The following SGCZ variants were observed in gnomAD, a reference collection of about 807,000 sequenced individuals.
The protein encoded by SGCZ is sarcoglycan zeta.
SGCZ carries 40 observed loss-of-function variants against 41.3 expected under a neutral mutation model. The observed-to-expected ratio is 0.97, with a 90% confidence interval of 0.75 to 1.26. SGCZ has a LOEUF of 1.26. SGCZ is among the 50% of genes most tolerant of loss of function. SGCZ has a pLI of 0.00. For synonymous variants in SGCZ, 206 were observed against 137.5 expected, an observed-to-expected ratio of 1.50 and a Z score of -3.49; for missense variants, 552 against 369.8, an observed-to-expected ratio of 1.49 and a Z score of -4.04.
chr8:14,206,462 G>C (rs541256009), intron 4 of SGCZ, among the ~76,000 whole-genome samples: 4 of 152,156 alleles, frequency 2.6e-5, no homozygotes, highest in African/African-American at 9.6e-5. Flanking sequence ...ATAAATCACA[G>C]AATCTCCACA....
intron 5 of SGCZ, among the ~76,000 whole-genome samples, chr8:14,111,908 C>T (rs1281730462): frequency 6.6e-6 from 1 of 152,182 alleles, no homozygotes; most frequent in East Asian, 1.9e-4. Context: ...ATGCCACACG[C>T]TCAAAAACAA....
chr8:14,720,024 T>C (rs1191327584), intron 1 of SGCZ, among the ~76,000 whole-genome samples: 1 of 152,034 alleles, frequency 6.6e-6, no homozygotes, highest in Non-Finnish European at 1.5e-5. Flanking sequence ...CTTGAATTAA[T>C]TTTTGTAGAA....
intron 1 of SGCZ, among the ~76,000 whole-genome samples, chr8:15,029,601 T>C (rs950454469): frequency 1.3e-5 from 2 of 152,138 alleles, no homozygotes; most frequent in Non-Finnish European, 2.9e-5. Flanking sequence ...GTATGTTAAA[T>C]AAATTTTGTT....
intron 5 of SGCZ, among the ~76,000 whole-genome samples, chr8:14,155,867 T>C (rs1803861340): frequency 6.6e-6 from 1 of 152,264 alleles, no homozygotes; most frequent in South Asian, 2.1e-4. Context: ...GGCTAAGTGG[T>C]ATAGCCTACT....
chr8:14,902,228 G>T (rs1349583026), intron 1 of SGCZ, among the ~76,000 whole-genome samples: 1 of 152,048 alleles, frequency 6.6e-6, no homozygotes, highest in African/African-American at 2.4e-5. Flanking sequence ...CTCCTTCTCT[G>T]CCTGTGTTCC....
At chr8:14,245,650 G>A (rs551419536) in intron 3 of SGCZ, among the ~76,000 whole-genome samples, 96 of 151,994 alleles carry the variant, frequency 6.3e-4, no homozygotes, top group African/African-American at 2.2e-3. Flanking sequence ...CCATCAGCGT[G>A]AAAAGGCAAT....
chr8:14,897,404 G>A (rs1372835856), intron 1 of SGCZ, among the ~76,000 whole-genome samples: 2 of 152,112 alleles, frequency 1.3e-5, no homozygotes, highest in Non-Finnish European at 2.9e-5. Flanking sequence ...GGCTTGTAAC[G>A]TTTAGCCCTT....
intron 1 of SGCZ, among the ~76,000 whole-genome samples, chr8:15,233,853 GATAA>G (rs1418455656): frequency 6.6e-6 from 1 of 152,016 alleles, no homozygotes; most frequent in African/African-American, 2.4e-5. Context: ...AATCCTGACA[GATAA>G]ATAAATAAAA....
chr8:14,383,550 G>A (rs1480065925), intron 2 of SGCZ, among the ~76,000 whole-genome samples: 1 of 152,182 alleles, frequency 6.6e-6, no homozygotes, highest in Non-Finnish European at 1.5e-5. Flanking sequence ...AATGGTAGAT[G>A]TTAAACAGCA....
At chr8:14,853,380 T>C (rs1803411940) in intron 1 of SGCZ, 1 of 495,598 alleles carries the variant, frequency 2.0e-6, no homozygotes, top group Admixed American at 2.0e-5. Context: ...TGCAGTTCCC[T>C]TGGGACCTAC....
At chr8:14,320,892 C>A (rs977317011) in intron 3 of SGCZ, among the ~76,000 whole-genome samples, 1 of 151,972 alleles carries the variant, frequency 6.6e-6, no homozygotes, top group African/African-American at 2.4e-5. Flanking sequence ...AAGAACTACA[C>A]GATGCAAATT....
Position 14,321,683 on chromosome 8 carries a change from T to C in SGCZ, c.336+2420A>G, listed in dbSNP as rs1241945580. Among the ~76,000 whole-genome samples, 4 of 152,138 alleles carry C rather than the reference T, an allele frequency of 2.6e-5. No homozygotes were observed. The East Asian group carries it at 7.7e-4, about 29-fold the overall frequency. ...AAATTATTCTACCCAGCATTTTTTT[T>C]CTCTCAGCTTCACTGAATCTTCCAA... On this transcript the variant is annotated intron_variant, in intron 3 of 7. Coordinates refer to ENST00000382080, the MANE Select transcript of SGCZ (RefSeq NM_139167.4).
At chr8:14,488,590 T>C (rs966826337) in intron 2 of SGCZ, among the ~76,000 whole-genome samples, 1 of 152,064 alleles carries the variant, frequency 6.6e-6, no homozygotes, top group Non-Finnish European at 1.5e-5. Context: ...TGAAATGTAA[T>C]CATCTAGAAA....
intron 3 of SGCZ, among the ~76,000 whole-genome samples, chr8:14,294,405 G>A (rs1461221278): frequency 6.6e-6 from 1 of 151,468 alleles, no homozygotes; most frequent in Admixed American, 6.6e-5. Flanking sequence ...AAAAATCTAA[G>A]GAAAGAAAGG....
chr8:14,996,057 C>A (rs34775004), intron 1 of SGCZ, among the ~76,000 whole-genome samples: 1 of 151,976 alleles, frequency 6.6e-6, no homozygotes, highest in African/African-American at 2.4e-5. Flanking sequence ...GCGCCCGCCA[C>A]CACGCCCAGC....
intron 2 of SGCZ, among the ~76,000 whole-genome samples, chr8:14,492,063 G>A (rs1391141778): frequency 3.9e-5 from 6 of 152,084 alleles, no homozygotes; most frequent in African/African-American, 1.2e-4. Context: ...AATAAAAAAC[G>A]AGAAATGAAA....
intron 1 of SGCZ, among the ~76,000 whole-genome samples, chr8:14,606,123 C>A (rs1240232134): frequency 6.6e-6 from 1 of 152,074 alleles, no homozygotes; most frequent in Non-Finnish European, 1.5e-5. Context: ...CACCGAGGAA[C>A]AATGTATAGC....
intron 1 of SGCZ, among the ~76,000 whole-genome samples, chr8:15,101,950 C>T (rs1806630969): frequency 6.6e-6 from 1 of 152,066 alleles, no homozygotes; most frequent in Non-Finnish European, 1.5e-5. Context: ...GGTAAAATTA[C>T]TTTGGAAGAG....
At chr8:15,019,593 C>T (rs375400449) in intron 1 of SGCZ, among the ~76,000 whole-genome samples, 3 of 152,002 alleles carry the variant, frequency 2.0e-5, no homozygotes, top group African/African-American at 7.2e-5. Context: ...CTTCAACAGG[C>T]TTACATTCTC....
Sources: gnomAD v4.1 joint callset for allele counts (sites outside exome capture counted in the v4.1 genomes callset) on GRCh38, gnomAD v4.1.1 for gene constraint, MANE v1.5 for transcripts, NCBI Gene and HGNC (gene_info 2026-07-23, HGNC 2026-07-21) for gene names.